The following VPS41 variants were observed in gnomAD, a reference collection of about 807,000 sequenced individuals.
VPS41 encodes the protein vacuolar protein sorting-associated protein 41 homolog.
A neutral mutation model predicts 130.9 loss-of-function variants in VPS41; 85 were observed. That is an observed-to-expected ratio of 0.65 (90% CI 0.55 to 0.78). VPS41 has a LOEUF of 0.78. Ranked by LOEUF, VPS41 falls within the 30% of genes least tolerant of loss-of-function variation. VPS41 has a pLI of 0.00. For missense variants in VPS41, 874 were observed against 1,018.7 expected (o/e 0.86, Z 1.93); for synonymous variants, 335 against 332.9 (o/e 1.01, Z -0.07).
At chr7:38,848,011 GACT>G (rs1452023036) in intron 4 of VPS41, among the ~76,000 whole-genome samples, 1 of 152,126 alleles carries the variant, frequency 6.6e-6, no homozygotes, top group Non-Finnish European at 1.5e-5. Flanking sequence ...GACGAAGAAA[GACT>G]ACTTAACACT....
intron 7 of VPS41, among the ~76,000 whole-genome samples, chr7:38,799,390 T>C (rs558767345): frequency 1.3e-5 from 2 of 152,246 alleles, no homozygotes; most frequent in East Asian, 3.9e-4. Context: ...GAGGAATTCA[T>C]ATGGTAACCA....
At position 38,850,518 on chromosome 7, in the gene VPS41, A is replaced by C. The variant is rs912972878; in HGVS notation, c.246+12027T>G. ...AACTTAAAGATCAAAACGAGTGTAC[A>C]AGCAAATGAAAAAAATTTCAGATTT... On this transcript the variant is annotated intron_variant, in intron 4 of 28. Coordinates refer to ENST00000310301, the MANE Select transcript of VPS41 (RefSeq NM_014396.4). 2.0e-5 allele frequency among the ~76,000 whole-genome samples: 3 copies of C among 152,328 alleles called. No homozygotes were observed. The East Asian group carries it at 5.8e-4, about 29-fold the overall frequency.
At chr7:38,845,876 T>C (rs1198370723) in intron 4 of VPS41, among the ~76,000 whole-genome samples, 1 of 152,242 alleles carries the variant, frequency 6.6e-6, no homozygotes, top group Non-Finnish European at 1.5e-5. Context: ...ATAAGTAATC[T>C]GAAATGAAAG....
At chr7:38,846,239 G>A (rs1473138) in intron 4 of VPS41, among the ~76,000 whole-genome samples, 91,427 of 152,086 alleles carry the variant, frequency 0.6, 28,227 homozygotes, top group East Asian at 0.89. Flanking sequence ...ACATTACATT[G>A]CAAACCATTG....
intron 25 of VPS41, among the ~76,000 whole-genome samples, chr7:38,732,878 A>G (rs1795695932): frequency 6.6e-6 from 1 of 152,176 alleles, no homozygotes; most frequent in Non-Finnish European, 1.5e-5. Context: ...CCCAGGCTGA[A>G]GTACAGTAGC....
intron 13 of VPS41, 21 bp from the exon 14 acceptor site, chr7:38,771,275 T>C (rs774145637): frequency 4.7e-6 from 7 of 1,493,220 alleles, no homozygotes; most frequent in Non-Finnish European, 6.2e-6. Context: ...AACATAAGGA[T>C]GATTTAAAAA....
intron 9 of VPS41, among the ~76,000 whole-genome samples, chr7:38,791,113 G>A (rs1448082346): frequency 6.6e-6 from 1 of 152,140 alleles, no homozygotes; most frequent in Non-Finnish European, 1.5e-5. Context: ...GAAGTGACCG[G>A]CTGTCTTCTT....
In VPS41 at chr7:38,830,144, A is replaced by C. The variant is rs1399992468; in HGVS notation, c.321+110T>G. ...AATCAGAAGCAAGTTCAATACTCAGAAAGAATAATCAAGATTGTCTTAATG... is the reference window on the plus strand; with the variant it reads ...AATCAGAAGCAAGTTCAATACTCAGCAAGAATAATCAAGATTGTCTTAATG... On this transcript the variant is annotated intron_variant, in intron 5 of 28. Transcript: ENST00000310301. The C allele has an allele frequency of 4.0e-6, 3 of 743,864 alleles. No individual in the cohort carries two copies. In the African/African-American group the frequency reaches 5.2e-5, roughly 13 times the overall value. The allele number at this position is 743,864 out of a possible 1,614,324, so 46.1% of individuals were successfully genotyped here. A position where few individuals can be genotyped will look rare whatever the true frequency, so the allele number is the denominator to read the frequency against.
chr7:38,752,268 A>G lies in VPS41; in HGVS notation c.1834T>C (p.Tyr612His). The G allele has an allele frequency of 1.2e-6, 2 of 1,613,988 alleles. No individual in the cohort carries two copies. Among genetic ancestry groups the G allele is most frequent in the Non-Finnish European group, 1.7e-6 (2 of 1,179,890 alleles). ...FKRDHHKGQR[Y>H]HEKQISLYAE... Reference sequence around the variant, plus strand: ...TAAAGACTGATCTGTTTTTCATGGTAACGCTGCCCCTTATGGTGGTCTCTC... The same window carrying G: ...TAAAGACTGATCTGTTTTTCATGGTGACGCTGCCCCTTATGGTGGTCTCTC... Residue 612 changes from tyrosine to histidine, a missense_variant, in exon 22 of 29, where the codon TAC becomes CAC. Physicochemically the swap from Tyr to His is moderately conservative, Grantham distance 83 (BLOSUM62 2). Transcript: ENST00000310301.
chr7:38,830,201 T>A (rs531873394), intron 5 of VPS41, 53 bp downstream of exon 5: 1 of 1,149,900 alleles, frequency 8.7e-7, no homozygotes, highest in African/African-American at 1.5e-5. Flanking sequence ...GCTGTTCCGA[T>A]CACCTGGGGC....
intron 4 of VPS41, among the ~76,000 whole-genome samples, chr7:38,850,513 T>C (rs935652765): frequency 1.3e-5 from 2 of 152,038 alleles, no homozygotes; most frequent in Non-Finnish European, 2.9e-5. Context: ...TCAAAACGAG[T>C]GTACAAGCAA....
Position 38,867,437 on chromosome 7 carries a change from T to C in VPS41, c.168+1709A>G, listed in dbSNP as rs577685217. On this transcript the variant is annotated intron_variant, in intron 3 of 28. Coordinates refer to ENST00000310301, the MANE Select transcript of VPS41 (RefSeq NM_014396.4). ...GCAGGTGCCTGTAATCCCAGCTACTTAGGAGGTTGAGGCAGGAGAATTGCT... is the reference window on the plus strand; with the variant it reads ...GCAGGTGCCTGTAATCCCAGCTACTCAGGAGGTTGAGGCAGGAGAATTGCT... 5.9e-5 allele frequency among the ~76,000 whole-genome samples: 9 copies of C among 151,722 alleles called. No individual in the cohort carries two copies. In the East Asian group the frequency reaches 1.6e-3, roughly 26 times the overall value.
chr7:38,728,602 C>T lies in VPS41; in HGVS notation c.2360-16G>A, dbSNP rs199675170. Reference sequence around the variant, plus strand: ...ATGTTCTCCTCTGTAAGAAAACACACATACTTTGGATTATGCCCTGTTTAT... The same window carrying T: ...ATGTTCTCCTCTGTAAGAAAACACATATACTTTGGATTATGCCCTGTTTAT... On this transcript the variant is annotated splice_polypyrimidine_tract_variant and intron_variant, in intron 26 of 28. Transcript: ENST00000310301. 1 of 1,614,120 alleles carries T rather than the reference C, an allele frequency of 6.2e-7. No individual in the cohort carries two copies. Among genetic ancestry groups the T allele is most frequent in the East Asian group, 2.2e-5 (1 of 44,874 alleles).
At chr7:38,757,876 T>C (rs1783833249) in intron 18 of VPS41, among the ~76,000 whole-genome samples, 1 of 152,104 alleles carries the variant, frequency 6.6e-6, no homozygotes. Flanking sequence ...GCCCAAGAAA[T>C]ATGAAAAATA....
chr7:38,890,274 C>A (rs759666072), intron 2 of VPS41, among the ~76,000 whole-genome samples: 13 of 152,106 alleles, frequency 8.5e-5, no homozygotes, highest in Non-Finnish European at 1.2e-4. Flanking sequence ...CCAAAAAAAG[C>A]CCATTTCCAA....
intron 7 of VPS41, among the ~76,000 whole-genome samples, chr7:38,808,313 G>A (rs1457842369): frequency 1.3e-5 from 2 of 152,022 alleles, no homozygotes; most frequent in Non-Finnish European, 2.9e-5. Flanking sequence ...AAAACTCACC[G>A]AAAAATACTT....
chr7:38,732,852 A>C (rs1201325786), intron 25 of VPS41, among the ~76,000 whole-genome samples: 1 of 152,122 alleles, frequency 6.6e-6, no homozygotes, highest in East Asian at 1.9e-4. Context: ...TTTTTTGACA[A>C]GGTCTTGCTC....
At chr7:38,882,481 T>C (rs1275508417) in intron 2 of VPS41, among the ~76,000 whole-genome samples, 2 of 152,172 alleles carry the variant, frequency 1.3e-5, no homozygotes, top group African/African-American at 4.8e-5. Flanking sequence ...TTGAACACCA[T>C]CTAAATGCTG....
At chr7:38,748,442 C>A (rs1006649880) in intron 22 of VPS41, among the ~76,000 whole-genome samples, 2 of 151,918 alleles carry the variant, frequency 1.3e-5, no homozygotes, top group Non-Finnish European at 2.9e-5. Context: ...ATCTCGTCAT[C>A]TTTTATCCAA....
Sources: gnomAD v4.1 joint callset for allele counts (sites outside exome capture counted in the v4.1 genomes callset) on GRCh38, gnomAD v4.1.1 for gene constraint, MANE v1.5 for transcripts, NCBI Gene and HGNC (gene_info 2026-07-23, HGNC 2026-07-21) for gene names.